The following SPECC1 variants were observed in gnomAD, a reference collection of about 807,000 sequenced individuals.
The protein encoded by SPECC1 is sperm antigen with calponin homology and coiled-coil domains 1.
In SPECC1, 62 loss-of-function variants were observed where a neutral mutation model predicts 104.1. The observed-to-expected ratio is 0.60, with a 90% CI of 0.49 to 0.74. The LOEUF is 0.74. Ranked by LOEUF, SPECC1 falls within the 30% of genes least tolerant of loss-of-function variation. SPECC1 has a pLI of 0.00. For missense variants in SPECC1, 1,306 were observed against 1,310.5 expected, an observed-to-expected ratio of 1.00 and a Z score of 0.05; for synonymous variants, 513 against 501.6, an observed-to-expected ratio of 1.02 and a Z score of -0.30.
At chr17:20,183,018 A>C (rs1346082865) in intron 3 of SPECC1, among the ~76,000 whole-genome samples, 1 of 152,246 alleles carries the variant, frequency 6.6e-6, no homozygotes, top group Non-Finnish European at 1.5e-5. Context: ...AACATTATAA[A>C]ATATGCTGAA....
At chr17:20,143,618 A>T (rs1597807290) in intron 3 of SPECC1, among the ~76,000 whole-genome samples, 1 of 151,826 alleles carries the variant, frequency 6.6e-6, no homozygotes, top group Non-Finnish European at 1.5e-5. Flanking sequence ...TGGGAGGCGG[A>T]GGTTGAGCCA....
chr17:20,299,532 C>G (rs1010845909), intron 13 of SPECC1, among the ~76,000 whole-genome samples: 1 of 140,026 alleles, frequency 7.1e-6, no homozygotes, highest in Admixed American at 7.4e-5. Flanking sequence ...TGCTCTCCAG[C>G]CTGGGTGACA....
intron 1 of SPECC1, among the ~76,000 whole-genome samples, chr17:20,035,158 C>CT (rs1247307629): frequency 1.3e-5 from 2 of 152,226 alleles, no homozygotes; most frequent in Non-Finnish European, 2.9e-5. Context: ...AGCTGTCCCT[C>CT]TGTCAATATC....
At chr17:20,113,828 G>A (rs1412292258) in intron 3 of SPECC1, among the ~76,000 whole-genome samples, 1 of 152,150 alleles carries the variant, frequency 6.6e-6, no homozygotes, top group Non-Finnish European at 1.5e-5. Context: ...CATACAATCA[G>A]CACAAGCATA....
chr17:20,280,437 C>T (rs1432768500), intron 12 of SPECC1, among the ~76,000 whole-genome samples: 1 of 152,176 alleles, frequency 6.6e-6, no homozygotes, highest in African/African-American at 2.4e-5. Context: ...GCATCCAGTC[C>T]CTTGGTCTCT....
chr17:20,261,912 C>T (rs2040038710), intron 12 of SPECC1, among the ~76,000 whole-genome samples: 1 of 152,220 alleles, frequency 6.6e-6, no homozygotes, highest in Non-Finnish European at 1.5e-5. Context: ...CCCACAGACC[C>T]TTCCTATGAC....
At chr17:20,247,193 A>C in intron 8 of SPECC1, 26 bp from the exon 9 acceptor site, 2 of 1,560,308 alleles carry the variant, frequency 1.3e-6, no homozygotes, top group Non-Finnish European at 1.8e-6. Flanking sequence ...ACAACATATA[A>C]ATGTTCCCAT....
At chr17:20,247,473 T>G (rs537737489) in intron 9 of SPECC1, among the ~76,000 whole-genome samples, 154 bp downstream of exon 9, 2 of 152,242 alleles carry the variant, frequency 1.3e-5, no homozygotes. Context: ...CCAATACTTA[T>G]TTCACTTTAT....
intron 12 of SPECC1, among the ~76,000 whole-genome samples, chr17:20,279,041 C>T (rs2040669498): frequency 6.6e-6 from 1 of 152,110 alleles, no homozygotes; most frequent in Non-Finnish European, 1.5e-5. Flanking sequence ...TGCCCAACAC[C>T]AAAGCCATCA....
intron 2 of SPECC1, among the ~76,000 whole-genome samples, chr17:20,105,101 T>C (rs1056440147): frequency 1.3e-5 from 2 of 151,994 alleles, no homozygotes; most frequent in African/African-American, 2.4e-5. Flanking sequence ...CTTTTTTTTT[T>C]CGGTGGGGGG....
At chr17:20,185,454 T>A (rs2035201859) in intron 3 of SPECC1, among the ~76,000 whole-genome samples, 1 of 152,206 alleles carries the variant, frequency 6.6e-6, no homozygotes, top group African/African-American at 2.4e-5. Flanking sequence ...GACTACCACA[T>A]GGTGCTCCAG....
chr17:20,140,340 T>C (rs1375522456), intron 3 of SPECC1, among the ~76,000 whole-genome samples: 1 of 152,162 alleles, frequency 6.6e-6, no homozygotes, highest in African/African-American at 2.4e-5. Flanking sequence ...TTTTTAAACA[T>C]GAGAAAGAAC....
intron 1 of SPECC1, among the ~76,000 whole-genome samples, chr17:20,051,124 CTTTCTTTCT>C (rs2045752292): frequency 0.013 from 1,492 of 118,560 alleles, 2 homozygotes; most frequent in Non-Finnish European, 0.017. Flanking sequence ...TTCTTTCTTT[CTTTCTTTCT>C]TTCTTTCCTT....
At chr17:20,093,124 C>T (rs186663713) in intron 1 of SPECC1, among the ~76,000 whole-genome samples, 2 of 152,314 alleles carry the variant, frequency 1.3e-5, no homozygotes, top group Admixed American at 1.3e-4. Context: ...ATACCATAAA[C>T]TGGGTGACTT....
intron 5 of SPECC1, among the ~76,000 whole-genome samples, chr17:20,230,876 T>C (rs571289264): frequency 1.3e-5 from 2 of 152,274 alleles, no homozygotes; most frequent in South Asian, 2.1e-4. Flanking sequence ...CTGTGCAGCA[T>C]TGATTCCAGA....
chr17:20,314,692 T>TCCCCCCCCCCCC lies in SPECC1; in HGVS notation c.*635_*636insCCCCCCCCCCCC, dbSNP rs398041591. The TCCCCCCCCCCCC allele has an allele frequency of 6.6e-6, 1 of 151,070 alleles. No homozygotes were observed. Among genetic ancestry groups the TCCCCCCCCCCCC allele is most frequent in the African/African-American group, 3.2e-5 (1 of 31,000 alleles). 9.4% of individuals were successfully genotyped at this position (151,070 alleles called of 1,614,324 possible). A position where few individuals can be genotyped will look rare whatever the true frequency, so the allele number is the denominator to read the frequency against. ...CCCTTGTGAACCCTCCCTTCCCCCC[T>TCCCCCCCCCCCC]CCCCCCCCAAAAAAAAACAACAAAA... On this transcript the variant is annotated 3_prime_UTR_variant, in exon 15 of 15. Coordinates refer to ENST00000395527, the MANE Select transcript of SPECC1 (RefSeq NM_001243439.2).
intron 1 of SPECC1, among the ~76,000 whole-genome samples, chr17:20,041,106 C>G (rs776885732): frequency 2.6e-5 from 4 of 151,538 alleles, no homozygotes; most frequent in African/African-American, 4.8e-5. Context: ...TCTTTCTGTT[C>G]TTCATATTGG....
chr17:20,198,508 A>C (rs996476720), intron 3 of SPECC1, among the ~76,000 whole-genome samples: 7 of 152,218 alleles, frequency 4.6e-5, no homozygotes, highest in Non-Finnish European at 7.3e-5. Flanking sequence ...CATGTCCCAT[A>C]GTCCTGTACA....
At position 20,247,204 on chromosome 17, in the gene SPECC1, GT is replaced by G; in HGVS notation, c.2498-9del. On this transcript the variant is annotated splice_polypyrimidine_tract_variant and intron_variant, in intron 8 of 14. Transcript: ENST00000395527. ...TGGAACAACATATAAATGTTCCCAT[GT>G]TTTTTCTTGGCAGGTGGAGCTGGAC... is the stretch of plus-strand genomic sequence containing the variant. 6.3e-7 allele frequency: 1 copy of G among 1,597,510 alleles called. No individual in the cohort carries two copies.
Sources: allele counts gnomAD v4.1 joint callset (sites outside exome capture counted in the v4.1 genomes callset), GRCh38; gene constraint gnomAD v4.1.1; transcripts MANE v1.5; gene names NCBI Gene and HGNC (gene_info 2026-07-23, HGNC 2026-07-21).